Variants in LGALS3BP observed in about 807,000 individuals in gnomAD.
LGALS3BP encodes galectin-3-binding protein.
A neutral mutation model predicts 22.9 loss-of-function variants in LGALS3BP; 25 were observed. The observed-to-expected ratio is 1.09, with a 90% confidence interval of 0.80 to 1.53. The LOEUF is 1.53. Among genes scored for constraint, LGALS3BP ranks in the 40% most tolerant of loss-of-function variants. The pLI is 0.00. For missense variants in LGALS3BP, 718 were observed against 752.0 expected (o/e 0.95, Z 0.53); for synonymous variants, 335 against 331.1 (o/e 1.01, Z -0.13).
rs940409589 is a variant in LGALS3BP, at chr17:78,971,642, C to T, written c.1692G>A (p.Gly564=). The T allele has an allele frequency of 6.2e-7, 1 of 1,613,670 alleles. No homozygotes were observed. The highest frequency in any genetic ancestry group is 1.1e-5 in the South Asian group (1 of 91,080). The change falls in exon 6 of 6, where the codon GGG becomes GGA. Residue 564 remains glycine, a synonymous_variant. Transcript: ENST00000262776. This position sits in a 1 kb window ranked among gnomAD's most constrained non-coding sequence, Gnocchi z 5.6. ...KSTSSFPCPA[G]HFNGFRTVIR... ...TGACCGTGCGGAAGCCGTTGAAGTG[C>T]CCTGCCGGGCAGGGGAAGGAGGAGG...
In LGALS3BP at chr17:78,972,775, A is replaced by G. The variant is rs1363932286; in HGVS notation, c.630-71T>C. 2 of 1,494,958 alleles carry G rather than the reference A, an allele frequency of 1.3e-6. No individual in the cohort carries two copies. Among genetic ancestry groups the G allele is most frequent in the Non-Finnish European group, 1.8e-6 (2 of 1,120,074 alleles). The allele number at this position is 1,494,958 out of a possible 1,614,324, so 92.6% of individuals were successfully genotyped here. A position where few individuals can be genotyped will look rare whatever the true frequency, so the allele number is the denominator to read the frequency against. The stretch of plus-strand genomic sequence containing the variant: ...GGGGAGCCCTGGGCCCAACTGTCCA[A>G]CACAGCCACCTGAGTGCACACAGTG... On this transcript the variant is annotated intron_variant, in intron 5 of 5. Transcript: ENST00000262776. The surrounding 1 kb of genome is among the most constrained non-coding windows in gnomAD (Gnocchi z 5.1).
intron 1 of LGALS3BP, 110 bp downstream of exon 1, chr17:78,979,714 G>A: frequency 6.6e-6 from 1 of 152,334 alleles, no homozygotes; most frequent in Non-Finnish European, 1.5e-5. Context: ...TTGCATCACT[G>A]TACTCCAGCC....
rs1318999457 is a variant in LGALS3BP, at chr17:78,971,851, A to G, written c.1483T>C (p.Ser495Pro). 1 of 1,614,132 alleles carries G rather than the reference A, an allele frequency of 6.2e-7. No homozygotes were observed. Among genetic ancestry groups the G allele is most frequent in the South Asian group, 1.1e-5 (1 of 91,084 alleles). The change falls in exon 6 of 6, where the codon TCC becomes CCC. Residue 495 changes from serine (S) to proline (P), a missense_variant. Transcript: ENST00000262776. The surrounding 1 kb of genome is among the most constrained non-coding windows in gnomAD (Gnocchi z 5.6). ...ACAGGGAGCTCGTCCGAGGAGCAGG[A>G]GAAGCCGTAGTTCCAGCAGCTCTGG... ...TIQSCWNYGF[S>P]CSSDELPVLG...
chr17:78,972,211 T>C lies in LGALS3BP; in HGVS notation c.1123A>G (p.Lys375Glu). The stretch of plus-strand genomic sequence containing the variant: ...AATTCCAGGGCCTGCAGAGTCTTCT[T>C]CTGGAACAGGGCCTCGTGGCTCCAG... Reference protein sequence around the residue: ...LYWSHEALFQKKTLQALEFHT... With the variant: ...LYWSHEALFQEKTLQALEFHT... The change falls in exon 6 of 6, where the codon AAG becomes GAG. Residue 375 changes from lysine to glutamate, a missense_variant. Coordinates refer to ENST00000262776, the MANE Select transcript of LGALS3BP (RefSeq NM_005567.4). The surrounding 1 kb of genome is among the most constrained non-coding windows in gnomAD (Gnocchi z 5.1). 6.2e-7 allele frequency: 1 copy of C among 1,613,940 alleles called. No individual in the cohort carries two copies. The highest frequency in any genetic ancestry group is 8.5e-7 in the Non-Finnish European group (1 of 1,180,012).
chr17:78,971,789 G>C lies in LGALS3BP; in HGVS notation c.1545C>G (p.Thr515=). 1 of 1,614,142 alleles carries C rather than the reference G, an allele frequency of 6.2e-7. No individual in the cohort carries two copies. The highest frequency in any genetic ancestry group is 2.2e-5 in the East Asian group (1 of 44,882). ...GLTKSGGSDR[T]IAYENKALML... ...TCAGGGCTTTGTTTTCGTAGGCAAT[G>C]GTGCGATCTGAGCCGCCAGACTTGG... Residue 515 remains threonine, a synonymous_variant, in exon 6 of 6, where the codon ACC becomes ACG. Transcript: ENST00000262776. This position sits in a 1 kb window ranked among gnomAD's most constrained non-coding sequence, Gnocchi z 5.6.
rs1000467091 is a variant in LGALS3BP at position 78,974,339 on chromosome 17, G to C, written c.376+349C>G. Among the ~76,000 whole-genome samples the C allele has an allele frequency of 2.0e-5, 3 of 152,360 alleles. No homozygotes were observed. In the East Asian group the frequency reaches 5.8e-4, roughly 29 times the overall value. On this transcript the variant is annotated intron_variant, in intron 4 of 5. Coordinates refer to ENST00000262776, the MANE Select transcript of LGALS3BP (RefSeq NM_005567.4). ...CCGCCAGGACGGGCTTGAGCCTGTC[G>C]CGTGCTGTGAAGTGTATTTCTGAGC...
intron 4 of LGALS3BP, 187 bp downstream of exon 4, chr17:78,974,501 G>A (rs535674289): frequency 1.3e-5 from 8 of 623,660 alleles, no homozygotes; most frequent in African/African-American, 9.2e-5. Context: ...GGAGGAGTCT[G>A]GGACTGTGGG....
chr17:78,974,741 C>T lies in LGALS3BP; in HGVS notation c.323G>A (p.Trp108Ter), dbSNP rs754516068. 1 of 1,613,894 alleles carries T rather than the reference C, an allele frequency of 6.2e-7. No homozygotes were observed. Among genetic ancestry groups the T allele is most frequent in the Non-Finnish European group, 8.5e-7 (1 of 1,180,002 alleles). Residue 108 changes from tryptophan (W) to a stop codon, truncating the protein, a stop_gained, in exon 4 of 6, where the codon TGG (tryptophan) becomes TAG (stop). Coordinates refer to ENST00000262776, the MANE Select transcript of LGALS3BP (RefSeq NM_005567.4). LOFTEE classifies it high-confidence loss of function. ...CTCGTGCCTGCAGTTGCTCTTCAGC[C>T]AGCCCAGGGACTTGCAGTCGGCCAG... Reference protein sequence around the residue: ...ASLADCKSLGWLKSNCRHERD... With the variant: ...ASLADCKSLG
chr17:78,974,533 G>T, intron 4 of LGALS3BP, 155 bp downstream of exon 4: 2 of 803,446 alleles, frequency 2.5e-6, no homozygotes, highest in Non-Finnish European at 3.8e-6. Flanking sequence ...GTGGGCTCTT[G>T]GGACGTCTGG....
At chr17:78,975,693 G>A (rs531192310) in intron 3 of LGALS3BP, among the ~76,000 whole-genome samples, 1 of 145,558 alleles carries the variant, frequency 6.9e-6, no homozygotes, top group African/African-American at 2.5e-5. Flanking sequence ...TCAGAAGGCT[G>A]AGACAGGAGA....
At chr17:78,975,676 C>T (rs2070713263) in intron 3 of LGALS3BP, among the ~76,000 whole-genome samples, 3 of 151,570 alleles carry the variant, frequency 2.0e-5, no homozygotes, top group Non-Finnish European at 4.4e-5. Flanking sequence ...CCTGTAATCC[C>T]AGCTACTCAG....
In LGALS3BP at chr17:78,972,400, C is replaced by G. The variant is rs149291165; in HGVS notation, c.934G>C (p.Asp312His). 9 of 1,613,434 alleles carry G rather than the reference C, an allele frequency of 5.6e-6. No individual in the cohort carries two copies. Among genetic ancestry groups the G allele is most frequent in the Non-Finnish European group, 6.8e-6 (8 of 1,180,020 alleles). Reference sequence around the variant, plus strand: ...GCCAGCTCGCTGGGCACCGCCAGGTCGCTCCTGGGCAGCAGCAGTTGGAGC... The same window carrying G: ...GCCAGCTCGCTGGGCACCGCCAGGTGGCTCCTGGGCAGCAGCAGTTGGAGC... ...DLLQLLLPRS[D>H]LAVPSELALL... The change falls in exon 6 of 6, where the codon GAC becomes CAC. Residue 312 changes from aspartate (D) to histidine (H), a missense_variant. Physicochemically the swap from Asp to His is moderately conservative, Grantham distance 81. Transcript: ENST00000262776. This position sits in a 1 kb window ranked among gnomAD's most constrained non-coding sequence, Gnocchi z 5.1.
chr17:78,971,576 C>G lies in LGALS3BP; in HGVS notation c.1758G>C (p.Ter586TyrextTer44), dbSNP rs138002590. 3.7e-6 allele frequency: 6 copies of G among 1,611,708 alleles called. No homozygotes were observed. In the South Asian group the frequency reaches 6.6e-5, roughly 18 times the overall value. ...FYLTNSSGVD[*>Y] ...TCTCACCACCCTTGGGCCACGCCGTCTAGTCCACACCTGAGGAGTTGGTCA... is the reference window on the plus strand; with the variant it reads ...TCTCACCACCCTTGGGCCACGCCGTGTAGTCCACACCTGAGGAGTTGGTCA... Residue 586 changes from the stop codon to tyrosine (Y), a stop_lost, in exon 6 of 6, where the codon TAG becomes TAC. Transcript: ENST00000262776. This position sits in a 1 kb window ranked among gnomAD's most constrained non-coding sequence, Gnocchi z 5.6.
rs768638878 is a variant in LGALS3BP, at chr17:78,975,990, A to T, written c.219T>A (p.Ala73=). 4 of 1,611,366 alleles carry T rather than the reference A, an allele frequency of 2.5e-6. No individual in the cohort carries two copies. The highest frequency in any genetic ancestry group is 3.4e-6 in the Non-Finnish European group (4 of 1,179,192). Residue 73 remains alanine (A), a synonymous_variant, in exon 3 of 6, where the codon GCT becomes GCA. Transcript: ENST00000262776. ...CTTGCCCGAAGGCAGCTCTGCCCAG[A>T]GCCTGGGTGGCGTTCTCGAAGCCCA... is the stretch of plus-strand genomic sequence containing the variant. ...RALGFENATQ[A]LGRAAFGQGS... is the part of the protein sequence containing the mutation.
At chr17:78,975,778 C>T (rs112688388) in intron 3 of LGALS3BP, among the ~76,000 whole-genome samples, 187 bp downstream of exon 3, 1,431 of 106,062 alleles carry the variant, frequency 0.013, 31 homozygotes, top group African/African-American at 0.052. Flanking sequence ...GGCAACAGAG[C>T]GAGACTCCAT....
Position 78,973,112 on chromosome 17 carries a change from C to T in LGALS3BP, c.487G>A (p.Gly163Ser). The T allele has an allele frequency of 1.2e-6, 2 of 1,613,502 alleles. No individual in the cohort carries two copies. The highest frequency in any genetic ancestry group is 1.7e-6 in the Non-Finnish European group (2 of 1,179,934). ...CDLSISVNVQGEDALGFCGHT... is the reference protein window; with the variant it reads ...CDLSISVNVQSEDALGFCGHT... ...CCACAGAAGCCCAGGGCGTCCTCGC[C>T]CTGCACATTCACGCTGATGGACAGG... is the stretch of plus-strand genomic sequence containing the variant. Residue 163 changes from glycine (G) to serine (S), a missense_variant, in exon 5 of 6, where the codon GGC (glycine) becomes AGC (serine). Transcript: ENST00000262776. This position sits in a 1 kb window ranked among gnomAD's most constrained non-coding sequence, Gnocchi z 5.8.
chr17:78,973,188 C>T lies in LGALS3BP; in HGVS notation c.411G>A (p.Arg137=). The T allele has an allele frequency of 6.3e-7, 1 of 1,588,418 alleles. No individual in the cohort carries two copies. Residue 137 remains arginine (R), a synonymous_variant, in exon 5 of 6, where the codon AGG becomes AGA. Coordinates refer to ENST00000262776, the MANE Select transcript of LGALS3BP (RefSeq NM_005567.4). This position sits in a 1 kb window ranked among gnomAD's most constrained non-coding sequence, Gnocchi z 5.8. ...TRSTHTLDLS[R]ELSEALGQIF... ...TCTGGCCAAGGGCCTCCGAGAGCTC[C>T]CTGGAGAGGTCCAGGGTGTGGGTGC...
chr17:78,974,643 C>G (rs1384473287), intron 4 of LGALS3BP, 45 bp downstream of exon 4: 11 of 1,595,978 alleles, frequency 6.9e-6, no homozygotes, highest in Middle Eastern at 2.0e-4. Context: ...CCACGGGACC[C>G]CAGGGCACAC....
rs765782532 is a variant in LGALS3BP, at chr17:78,972,021, G to A, written c.1313C>T (p.Pro438Leu). The A allele has an allele frequency of 1.2e-6, 2 of 1,614,076 alleles. No homozygotes were observed. Among genetic ancestry groups the A allele is most frequent in the South Asian group, 1.1e-5 (1 of 91,082 alleles). The change falls in exon 6 of 6, where the codon CCT becomes CTT. Residue 438 changes from proline (P) to leucine (L), a missense_variant. Pro to Leu is a moderately conservative substitution (Grantham distance 98). Coordinates refer to ENST00000262776, the MANE Select transcript of LGALS3BP (RefSeq NM_005567.4). The surrounding 1 kb of genome is among the most constrained non-coding windows in gnomAD (Gnocchi z 5.1). ...GTAATCAGAAGAATATTTGACCAAA[G>A]GCCCCCGTCTGGACTGATAGACCAG... ...SQLVYQSRRG[P>L]LVKYSSDYFQ...
Sources: allele counts gnomAD v4.1 joint callset (sites outside exome capture counted in the v4.1 genomes callset), GRCh38; gene constraint gnomAD v4.1.1; non-coding constraint Gnocchi (gnomAD v3.1); transcripts MANE v1.5; gene names NCBI Gene and HGNC (gene_info 2026-07-23, HGNC 2026-07-21).